Variants in ATP8A1 observed in about 807,000 individuals in gnomAD.
ATP8A1 encodes the protein phospholipid-transporting ATPase IA.
Under a neutral mutation model 177.7 loss-of-function variants are expected in ATP8A1, and 90 were observed. The observed-to-expected ratio is 0.51, with a 90% confidence interval of 0.43 to 0.60. The LOEUF (loss-of-function observed/expected upper bound fraction) is 0.60. Ranked by LOEUF, ATP8A1 falls within the 20% of genes least tolerant of loss-of-function variation. The pLI, the probability that ATP8A1 is intolerant of heterozygous loss-of-function variation, is 0.00. For missense variants in ATP8A1, 1,072 were observed against 1,392.8 expected (o/e 0.77, Z 3.67); for synonymous variants, 493 against 485.9 (o/e 1.01, Z -0.19).
Position 42,507,162 on chromosome 4 carries a change from A to G in ATP8A1, c.1948-8T>C. 1 of 1,612,048 alleles carries G rather than the reference A, an allele frequency of 6.2e-7. No individual in the cohort carries two copies. The highest frequency in any genetic ancestry group is 1.3e-5 in the African/African-American group (1 of 74,884). On this transcript the variant is annotated splice_region_variant and splice_polypyrimidine_tract_variant and intron_variant, in intron 22 of 36. Transcript: ENST00000381668. ...TCCAAGTAGCTGAAGATTCTGAAAA[A>G]AATTAGTGGTAGAAATGTTTTAAAA...
intron 24 of ATP8A1, among the ~76,000 whole-genome samples, chr4:42,491,215 T>C (rs2153190493): frequency 6.6e-6 from 1 of 152,294 alleles, no homozygotes; most frequent in Non-Finnish European, 1.5e-5. Context: ...ATCAGCTACT[T>C]AGTCATCAAC....
At chr4:42,447,068 G>T (rs1196131040) in intron 30 of ATP8A1, among the ~76,000 whole-genome samples, 1 of 152,226 alleles carries the variant, frequency 6.6e-6, no homozygotes, top group Non-Finnish European at 1.5e-5. Context: ...CTCACAGAGG[G>T]CCAAGGAACA....
chr4:42,656,497 A>G (rs1012066378), intron 1 of ATP8A1, among the ~76,000 whole-genome samples: 1 of 151,370 alleles, frequency 6.6e-6, no homozygotes, highest in African/African-American at 2.4e-5. Flanking sequence ...CGGGCTGGGG[A>G]TCTGCTGAGT....
chr4:42,627,682 C>A (rs558396482), intron 1 of ATP8A1, among the ~76,000 whole-genome samples: 33 of 152,286 alleles, frequency 2.2e-4, no homozygotes, highest in African/African-American at 7.0e-4. Context: ...ATCTCATAAT[C>A]ATTGAAACAA....
At position 42,419,466 on chromosome 4, in the gene ATP8A1, A is replaced by C. The variant is rs1713613915; in HGVS notation, c.3305+3341T>G. ...ATAAACAGAGTATAATAGTACAGAG[A>C]TAGTAGGCTAGGAATTAAATATTGT... On this transcript the variant is annotated intron_variant, in intron 35 of 36. Coordinates refer to ENST00000381668, the MANE Select transcript of ATP8A1 (RefSeq NM_006095.2). Among the ~76,000 whole-genome samples, 3 of 152,224 alleles carry C rather than the reference A, an allele frequency of 2.0e-5. No homozygotes were observed. The South Asian group carries it at 6.2e-4, about 32-fold the overall frequency.
At chr4:42,524,322 C>G (rs190932182) in intron 21 of ATP8A1, among the ~76,000 whole-genome samples, 5 of 151,968 alleles carry the variant, frequency 3.3e-5, no homozygotes, top group African/African-American at 1.2e-4. Context: ...TTAATAGTTA[C>G]GTAAGTTTTT....
intron 36 of ATP8A1, 69 bp from the exon 37 acceptor site, chr4:42,413,082 G>T: frequency 7.5e-7 from 1 of 1,332,684 alleles, no homozygotes; most frequent in Non-Finnish European, 1.1e-6. Flanking sequence ...TGACTTTTGG[G>T]TATTCATTTT....
Position 42,628,434 on chromosome 4 carries a change from G to A in ATP8A1, c.50-1325C>T, listed in dbSNP as rs1028299220. 5.9e-5 allele frequency among the ~76,000 whole-genome samples: 9 copies of A among 152,224 alleles called. No homozygotes were observed. The South Asian group carries it at 1.9e-3, about 32-fold the overall frequency. ...AGACAGAAGGCGGACGAGAAACCACGCTGAGGAAGCACGCAGGCCAGGTCC... is the reference window on the plus strand; with the variant it reads ...AGACAGAAGGCGGACGAGAAACCACACTGAGGAAGCACGCAGGCCAGGTCC... On this transcript the variant is annotated intron_variant, in intron 1 of 36. Transcript: ENST00000381668.
intron 1 of ATP8A1, among the ~76,000 whole-genome samples, chr4:42,652,401 T>C (rs1440254658): frequency 2.0e-5 from 3 of 152,190 alleles, no homozygotes; most frequent in African/African-American, 7.2e-5. Flanking sequence ...CTACTACCAA[T>C]GTTATTACTA....
chr4:42,549,666 A>T (rs575972148), intron 18 of ATP8A1, among the ~76,000 whole-genome samples: 1 of 152,132 alleles, frequency 6.6e-6, no homozygotes, highest in East Asian at 1.9e-4. Flanking sequence ...GCGGTGGCAC[A>T]TGCCTATCTA....
At chr4:42,574,533 T>G in intron 14 of ATP8A1, 86 bp downstream of exon 14, 1 of 1,053,486 alleles carries the variant, frequency 9.5e-7, no homozygotes, top group Non-Finnish European at 1.4e-6. Context: ...CCCCATACCC[T>G]CCCCTAATAA....
chr4:42,437,661 G>A (rs181794012), intron 33 of ATP8A1, among the ~76,000 whole-genome samples: 1 of 152,200 alleles, frequency 6.6e-6, no homozygotes, highest in African/African-American at 2.4e-5. Context: ...ATGGTTGTGG[G>A]ACACTTGTTA....
intron 14 of ATP8A1, among the ~76,000 whole-genome samples, chr4:42,570,154 T>C (rs528053777): frequency 6.6e-6 from 1 of 152,200 alleles, no homozygotes; most frequent in East Asian, 1.9e-4. Context: ...AGGGACTTCA[T>C]CATTCCAAGG....
At chr4:42,614,768 T>C (rs1433137165) in intron 5 of ATP8A1, among the ~76,000 whole-genome samples, 1 of 152,196 alleles carries the variant, frequency 6.6e-6, no homozygotes, top group East Asian at 1.9e-4. Context: ...GGCAGTCTAA[T>C]AATGGTTCAG....
chr4:42,613,816 T>C (rs1319627439), intron 5 of ATP8A1, among the ~76,000 whole-genome samples: 1 of 152,142 alleles, frequency 6.6e-6, no homozygotes, highest in Non-Finnish European at 1.5e-5. Flanking sequence ...ACTCCTGACC[T>C]CTGGCGATCC....
At chr4:42,611,423 A>G (rs1048871402) in intron 5 of ATP8A1, among the ~76,000 whole-genome samples, 2 of 152,224 alleles carry the variant, frequency 1.3e-5, no homozygotes, top group African/African-American at 2.4e-5. Flanking sequence ...TCATTTAACT[A>G]TAGCATCAAA....
intron 6 of ATP8A1, among the ~76,000 whole-genome samples, chr4:42,596,417 C>T (rs765436510): frequency 1.3e-5 from 2 of 152,112 alleles, no homozygotes; most frequent in Non-Finnish European, 2.9e-5. Context: ...CACCTGTAAT[C>T]CCCGTACTTT....
chr4:42,528,990 A>G (rs188967816), intron 20 of ATP8A1, among the ~76,000 whole-genome samples: 1 of 152,308 alleles, frequency 6.6e-6, no homozygotes, highest in Non-Finnish European at 1.5e-5. Flanking sequence ...GGCCCCTCCT[A>G]CAATGAGAGG....
chr4:42,655,072 A>G (rs1304641840), intron 1 of ATP8A1, among the ~76,000 whole-genome samples: 2 of 152,334 alleles, frequency 1.3e-5, no homozygotes, highest in South Asian at 2.1e-4. Context: ...CTCACCAAGC[A>G]CCACTATGGC....
Sources: gnomAD v4.1 joint callset for allele counts (sites outside exome capture counted in the v4.1 genomes callset) on GRCh38, gnomAD v4.1.1 for gene constraint, MANE v1.5 for transcripts, NCBI Gene and HGNC (gene_info 2026-07-23, HGNC 2026-07-21) for gene names.